Variants in ADCY5 observed in about 807,000 individuals in gnomAD.
ADCY5 encodes adenylate cyclase 5, also known as adenylate cyclase type 5.
In ADCY5, 30 loss-of-function variants were observed where a neutral mutation model predicts 119.7. That is an observed-to-expected ratio of 0.25 (90% CI 0.19 to 0.34). The LOEUF is 0.34. Among genes scored for constraint, ADCY5 ranks in the 10% least tolerant of loss-of-function variants. ADCY5 has a pLI of 1.00. For synonymous variants in ADCY5, 753 were observed against 762.2 expected (o/e 0.99, Z 0.20); for missense variants, 1,324 against 1,775.2 (o/e 0.75, Z 4.57).
intron 15 of ADCY5, among the ~76,000 whole-genome samples, chr3:123,299,532 C>T (rs147823194): frequency 4.6e-5 from 7 of 152,360 alleles, no homozygotes; most frequent in Non-Finnish European, 1.0e-4. Context: ...TCTGTCACTA[C>T]ATGACCATGC....
At chr3:123,359,331 A>AATACATATAT (rs1476687771) in intron 1 of ADCY5, among the ~76,000 whole-genome samples, 22 of 109,776 alleles carry the variant, frequency 2.0e-4, no homozygotes, top group African/African-American at 8.1e-4. Context: ...CTTATACTAA[A>AATACATATAT]ATATATATAT....
chr3:123,325,593 A>C, intron 7 of ADCY5, 131 bp from the exon 8 acceptor site: 1 of 1,217,268 alleles, frequency 8.2e-7, no homozygotes. Flanking sequence ...ACAGCCCTGG[A>C]GCCAGAGCTC....
chr3:123,334,970 A>C lies in ADCY5; in HGVS notation c.1407-2295T>G, dbSNP rs150684314. Among the ~76,000 whole-genome samples, 284 of 152,240 alleles carry C rather than the reference A, an allele frequency of 1.9e-3. 1 individual carries two copies. The highest frequency in any genetic ancestry group is 2.8e-3 in the Non-Finnish European group (191 of 68,000). ...TTTATATTCCCATGCTTTGACATCC[A>C]AGGCTCCCGAGAGTTGGTGCCTCCC... On this transcript the variant is annotated intron_variant, in intron 3 of 20. Coordinates refer to ENST00000462833, the MANE Select transcript of ADCY5 (RefSeq NM_183357.3).
At position 123,389,132 on chromosome 3, in the gene ADCY5, G is replaced by A. The variant is rs1035765524; in HGVS notation, c.1135-36551C>T. ...GGGCTGCTCTGAGAAGCCAGGAGGT[G>A]CAGGACGTCGGCTGAGATGGAGAGG... On this transcript the variant is annotated intron_variant, in intron 1 of 20. Coordinates refer to ENST00000462833, the MANE Select transcript of ADCY5 (RefSeq NM_183357.3). 2.6e-5 allele frequency among the ~76,000 whole-genome samples: 4 copies of A among 151,554 alleles called. No individual in the cohort carries two copies. The South Asian group carries it at 6.3e-4, about 24-fold the overall frequency.
intron 19 of ADCY5, among the ~76,000 whole-genome samples, chr3:123,288,095 G>A (rs1052056110): frequency 4.6e-5 from 7 of 152,226 alleles, no homozygotes; most frequent in African/African-American, 1.7e-4. Flanking sequence ...GCTGTGCTCG[G>A]GGCCTCCAGC....
At chr3:123,318,189 C>A in intron 10 of ADCY5, 72 bp from the exon 11 acceptor site, 1 of 1,259,394 alleles carries the variant, frequency 7.9e-7, no homozygotes, top group Non-Finnish European at 1.1e-6. Context: ...GTCAATCCCA[C>A]ACACCCAGGG....
chr3:123,446,012 G>A (rs1394456283), intron 1 of ADCY5, among the ~76,000 whole-genome samples: 4 of 152,220 alleles, frequency 2.6e-5, no homozygotes, highest in African/African-American at 9.6e-5. Flanking sequence ...GTTCCTTGCA[G>A]GGGTACAGCT....
chr3:123,381,251 A>G (rs1944020504), intron 1 of ADCY5, among the ~76,000 whole-genome samples: 3 of 152,338 alleles, frequency 2.0e-5, no homozygotes, highest in Admixed American at 2.0e-4. Context: ...GGTCTCCGTC[A>G]CAGTACACCA....
intron 1 of ADCY5, among the ~76,000 whole-genome samples, chr3:123,377,282 T>C (rs1943869850): frequency 6.6e-6 from 1 of 152,204 alleles, no homozygotes; most frequent in Non-Finnish European, 1.5e-5. Flanking sequence ...TCCAGTGTCA[T>C]CTCACACCAC....
chr3:123,328,764 C>T lies in ADCY5; in HGVS notation c.1685G>A (p.Arg562His), dbSNP rs781491004. The T allele has an allele frequency of 1.9e-6, 3 of 1,614,132 alleles. No individual in the cohort carries two copies. Among genetic ancestry groups the T allele is most frequent in the Admixed American group, 1.7e-5 (1 of 60,016 alleles). ...TACTCGCCCGCTGTGAATTCCCACA[C>T]GCATGTTCACGTTCACCCCTGTCAC... is the stretch of plus-strand genomic sequence containing the variant. The part of the protein sequence containing the change: ...REVTGVNVNM[R>H]VGIHSGRVHC... Residue 562 changes from arginine to histidine, a missense_variant, in exon 6 of 21, where the codon CGT becomes CAT. Transcript: ENST00000462833.
chr3:123,346,275 G>A (rs575235316), intron 3 of ADCY5, among the ~76,000 whole-genome samples: 1 of 152,352 alleles, frequency 6.6e-6, no homozygotes, highest in South Asian at 2.1e-4. Context: ...CCTGAGCTGG[G>A]CTCAGCTGCA....
chr3:123,395,980 G>A (rs1036622246), intron 1 of ADCY5, among the ~76,000 whole-genome samples: 5 of 119,522 alleles, frequency 4.2e-5, no homozygotes, highest in African/African-American at 8.9e-5. Context: ...AGAAAGGAAG[G>A]AAAGAAAGAA....
At chr3:123,368,187 G>C (rs1359516131) in intron 1 of ADCY5, 4 of 622,376 alleles carry the variant, frequency 6.4e-6, no homozygotes, top group Non-Finnish European at 1.0e-5. Context: ...TGGAGCTAAT[G>C]ACGCCTGCGA....
At chr3:123,345,761 G>GACAC (rs1491583420) in intron 3 of ADCY5, among the ~76,000 whole-genome samples, 18 of 36,032 alleles carry the variant, frequency 5.0e-4, no homozygotes, top group East Asian at 3.5e-3. Context: ...CAGACAGACA[G>GACAC]ACAGACAGAC....
chr3:123,372,824 C>T (rs1159843191), intron 1 of ADCY5, among the ~76,000 whole-genome samples: 2 of 152,132 alleles, frequency 1.3e-5, no homozygotes, highest in African/African-American at 2.4e-5. Context: ...ATGACCACTC[C>T]GTTAAAAAAT....
At chr3:123,410,794 T>C (rs1487509761) in intron 1 of ADCY5, among the ~76,000 whole-genome samples, 1 of 152,126 alleles carries the variant, frequency 6.6e-6, no homozygotes, top group African/African-American at 2.4e-5. Context: ...ACTACAGGCA[T>C]GTATCACCTT....
chr3:123,334,669 C>T (rs1427415235), intron 3 of ADCY5, among the ~76,000 whole-genome samples: 2 of 152,114 alleles, frequency 1.3e-5, no homozygotes, highest in Admixed American at 6.5e-5. Context: ...ACTCTGGAGA[C>T]GGAGGTTGCA....
At chr3:123,318,431 C>T (rs1204856605) in intron 10 of ADCY5, among the ~76,000 whole-genome samples, 2 of 152,142 alleles carry the variant, frequency 1.3e-5, no homozygotes, top group Non-Finnish European at 2.9e-5. Flanking sequence ...AGGAAACATG[C>T]CAGGTGTCTA....
intron 3 of ADCY5, among the ~76,000 whole-genome samples, chr3:123,345,962 G>T (rs1413451568): frequency 6.6e-6 from 1 of 152,112 alleles, no homozygotes; most frequent in African/African-American, 2.4e-5. Flanking sequence ...AGCGTTCCAG[G>T]GTATTTCTCC....
Sources: gnomAD v4.1 joint callset for allele counts (sites outside exome capture counted in the v4.1 genomes callset) on GRCh38, gnomAD v4.1.1 for gene constraint, MANE v1.5 for transcripts, NCBI Gene and HGNC (gene_info 2026-07-23, HGNC 2026-07-21) for gene names.